ACTN1: variants seen among roughly 807,000 people sequenced by gnomAD.
The protein encoded by ACTN1 is alpha-actinin-1.
ACTN1 carries 30 observed loss-of-function variants against 119.6 expected under a neutral mutation model. That is an observed-to-expected ratio of 0.25 (90% CI 0.19 to 0.34). ACTN1 has a LOEUF of 0.34. Among genes scored for constraint, ACTN1 ranks in the 10% least tolerant of loss-of-function variants. The probability of loss-of-function intolerance (pLI) is 1.00; values close to 1 mark genes in which losing one functional copy is unlikely to be tolerated. For missense variants in ACTN1, 764 were observed against 1,223.4 expected, an observed-to-expected ratio of 0.62 and a Z score of 5.60; for synonymous variants, 429 against 472.6, an observed-to-expected ratio of 0.91 and a Z score of 1.20.
rs980116746 is a variant in ACTN1 at position 68,885,248 on chromosome 14, G to A, written c.1385+177C>T. 6.6e-5 allele frequency among the ~76,000 whole-genome samples: 10 copies of A among 152,096 alleles called. No homozygotes were observed. The highest frequency in any genetic ancestry group is 2.2e-4 in the African/African-American group (9 of 41,492). Reference sequence around the variant, plus strand: ...CCTTTAACAGGATGGCAGTGGTCCCGGGCTCCTTCCCCACCAGGAGAGATA... The same window carrying A: ...CCTTTAACAGGATGGCAGTGGTCCCAGGCTCCTTCCCCACCAGGAGAGATA... On this transcript the variant is annotated intron_variant, in intron 12 of 21. Coordinates refer to ENST00000394419, the MANE Select transcript of ACTN1 (RefSeq NM_001130004.2). This position sits in a 1 kb window ranked among gnomAD's most constrained non-coding sequence, Gnocchi z 5.6.
At chr14:68,924,543 G>A (rs574043064) in intron 2 of ACTN1, among the ~76,000 whole-genome samples, 56 of 152,350 alleles carry the variant, frequency 3.7e-4, no homozygotes, top group South Asian at 3.1e-3. Flanking sequence ...TGGCCTGCAG[G>A]CTCAAAGCCC....
intron 10 of ACTN1, among the ~76,000 whole-genome samples, chr14:68,891,613 T>G (rs1016042026): frequency 6.6e-6 from 1 of 152,198 alleles, no homozygotes; most frequent in Non-Finnish European, 1.5e-5. Flanking sequence ...CTTATTTGTA[T>G]CTTTGAAATA....
At chr14:68,916,214 G>A (rs115229471) in intron 3 of ACTN1, among the ~76,000 whole-genome samples, 2,808 of 152,240 alleles carry the variant, frequency 0.018, 90 homozygotes, top group African/African-American at 0.063. Flanking sequence ...TCCTAGGAGT[G>A]GGGCTGCAAT....
chr14:68,927,486 C>T (rs189773132), intron 1 of ACTN1, among the ~76,000 whole-genome samples: 4 of 152,284 alleles, frequency 2.6e-5, no homozygotes, highest in Admixed American at 6.5e-5. Flanking sequence ...TTCTAGTGGA[C>T]GTAAGAATTG....
intron 10 of ACTN1, among the ~76,000 whole-genome samples, chr14:68,891,337 G>C (rs2032462434): frequency 6.6e-6 from 1 of 152,176 alleles, no homozygotes; most frequent in Non-Finnish European, 1.5e-5. Context: ...CCTAAAAGAA[G>C]AGTATTTTAT....
intron 1 of ACTN1, among the ~76,000 whole-genome samples, chr14:68,950,643 G>A (rs1298342750): frequency 4.0e-5 from 6 of 150,182 alleles, no homozygotes; most frequent in Admixed American, 4.0e-4. Context: ...CTCACTGCAA[G>A]CTCCGCCTCC....
rs190418544 is a variant in ACTN1, at chr14:68,916,152, A to C, written c.341-3910T>G. ...AACAGTGTTTAAAATATAAGGGAAA[A>C]ATTTTTTAAGCCTAGAAAAAAGCTC... On this transcript the variant is annotated intron_variant, in intron 3 of 21. Coordinates refer to ENST00000394419, the MANE Select transcript of ACTN1 (RefSeq NM_001130004.2). Among the ~76,000 whole-genome samples, 8 of 152,272 alleles carry C rather than the reference A, an allele frequency of 5.3e-5. No homozygotes were observed. In the East Asian group the frequency reaches 1.5e-3, roughly 29 times the overall value.
At position 68,878,570 on chromosome 14, in the gene ACTN1, G is replaced by C. The variant is rs770100117; in HGVS notation, c.2362-47C>G. 4 of 1,611,664 alleles carry C rather than the reference G, an allele frequency of 2.5e-6. No homozygotes were observed. The highest frequency in any genetic ancestry group is 3.4e-6 in the Non-Finnish European group (4 of 1,179,024). ...AGACACAAGGAGGGTCGGGAAGGCA[G>C]GAAGAGGAAGGGCCGGCCCGGGGCC... is the stretch of plus-strand genomic sequence containing the variant. On this transcript the variant is annotated intron_variant, in intron 19 of 21. Coordinates refer to ENST00000394419, the MANE Select transcript of ACTN1 (RefSeq NM_001130004.2). The surrounding 1 kb of genome is among the most constrained non-coding windows in gnomAD (Gnocchi z 4.4).
At chr14:68,976,408 T>C (rs1291937739) in intron 1 of ACTN1, among the ~76,000 whole-genome samples, 1 of 152,146 alleles carries the variant, frequency 6.6e-6, no homozygotes, top group African/African-American at 2.4e-5. Context: ...GTCTTATCCC[T>C]CACCTGTAAT....
intron 1 of ACTN1, among the ~76,000 whole-genome samples, chr14:68,960,227 T>C (rs1018455106): frequency 2.6e-5 from 4 of 152,132 alleles, no homozygotes; most frequent in African/African-American, 9.6e-5. Context: ...ACAGTCGGTA[T>C]AACTTTTATG....
intron 3 of ACTN1, among the ~76,000 whole-genome samples, chr14:68,918,489 G>A (rs1425340523): frequency 8.2e-6 from 1 of 121,906 alleles, no homozygotes; most frequent in African/African-American, 3.3e-5. Flanking sequence ...GGGAGGCTGA[G>A]GCAGGAGAAT....
At position 68,880,876 on chromosome 14, in the gene ACTN1, C is replaced by T; in HGVS notation, c.2067G>A (p.Glu689=). 1 of 1,613,982 alleles carries T rather than the reference C, an allele frequency of 6.2e-7. No homozygotes were observed. The highest frequency in any genetic ancestry group is 1.1e-5 in the South Asian group (1 of 91,066). The part of the protein sequence containing the change: ...VNYKPKIDQL[E]GDHQLIQEAL... ...CCTCCTGGATGAGCTGGTGGTCGCC[C>T]TCCAGCTGATCAATCTTTGGCTTGT... Residue 689 remains glutamate (E), a synonymous_variant, in exon 17 of 22, where the codon GAG becomes GAA. Coordinates refer to ENST00000394419, the MANE Select transcript of ACTN1 (RefSeq NM_001130004.2). The surrounding 1 kb of genome is among the most constrained non-coding windows in gnomAD (Gnocchi z 4.6).
chr14:68,897,747 T>C (rs2032985256), intron 8 of ACTN1, among the ~76,000 whole-genome samples: 1 of 152,216 alleles, frequency 6.6e-6, no homozygotes, highest in Non-Finnish European at 1.5e-5. Flanking sequence ...AGCCCAGGGT[T>C]CCTACTAAGA....
At chr14:68,956,057 G>A (rs1390553355) in intron 1 of ACTN1, among the ~76,000 whole-genome samples, 1 of 152,172 alleles carries the variant, frequency 6.6e-6, no homozygotes. Context: ...CCCAGCTACT[G>A]AAGAGTCTGA....
At chr14:68,922,948 G>T (rs1162685221) in intron 2 of ACTN1, among the ~76,000 whole-genome samples, 1 of 152,286 alleles carries the variant, frequency 6.6e-6, no homozygotes, top group African/African-American at 2.4e-5. Flanking sequence ...CTCCAACGAT[G>T]ATCAGGAGAA....
intron 3 of ACTN1, among the ~76,000 whole-genome samples, chr14:68,913,129 C>T (rs1276542647): frequency 6.6e-6 from 1 of 152,196 alleles, no homozygotes; most frequent in African/African-American, 2.4e-5. Context: ...TTAGTCTAAG[C>T]AGCACCTTTT....
intron 21 of ACTN1, 61 bp from the exon 22 acceptor site, chr14:68,875,078 C>T (rs751884044): frequency 2.6e-5 from 41 of 1,598,338 alleles, no homozygotes; most frequent in African/African-American, 4.0e-5. Flanking sequence ...CGGCGCGGCC[C>T]GACACAGCCG....
At position 68,938,056 on chromosome 14, in the gene ACTN1, C is replaced by A. The variant is rs1248701110; in HGVS notation, c.106-12384G>T. On this transcript the variant is annotated intron_variant, in intron 1 of 21. Coordinates refer to ENST00000394419, the MANE Select transcript of ACTN1 (RefSeq NM_001130004.2). ...GGTGGTTTGTCTAAGCAAAGACCTG[C>A]CCAGAAGTGATCTCAGATGCCCAGT... 2.0e-5 allele frequency among the ~76,000 whole-genome samples: 3 copies of A among 152,212 alleles called. No individual in the cohort carries two copies. The South Asian group carries it at 6.2e-4, about 31-fold the overall frequency.
intron 1 of ACTN1, among the ~76,000 whole-genome samples, chr14:68,975,736 C>T (rs1420976290): frequency 2.0e-5 from 3 of 152,220 alleles, no homozygotes; most frequent in Non-Finnish European, 4.4e-5. Context: ...CTCTAATCCA[C>T]GTGCTCTGTC....
Sources: gnomAD v4.1 joint callset for allele counts (sites outside exome capture counted in the v4.1 genomes callset) on GRCh38, gnomAD v4.1.1 for gene constraint, Gnocchi (gnomAD v3.1) non-coding constraint, MANE v1.5 for transcripts, NCBI Gene and HGNC (gene_info 2026-07-23, HGNC 2026-07-21) for gene names.